The following CHD1L variants were observed in gnomAD, a reference collection of about 807,000 sequenced individuals.
The protein encoded by CHD1L is chromodomain helicase DNA binding protein 1 like.
CHD1L carries 118 observed loss-of-function variants against 115.9 expected under a neutral mutation model. The observed-to-expected ratio is 1.02, with a 90% CI of 0.88 to 1.19. The LOEUF (loss-of-function observed/expected upper bound fraction) is 1.19. Among genes scored for constraint, CHD1L ranks in the 50% most tolerant of loss-of-function variants. The pLI is 0.00. For synonymous variants in CHD1L, 411 were observed against 387.1 expected, an observed-to-expected ratio of 1.06 and a Z score of -0.72; for missense variants, 1,179 against 1,065.3, an observed-to-expected ratio of 1.11 and a Z score of -1.49.
At position 147,242,684 on chromosome 1, in the gene CHD1L, G is replaced by T; in HGVS notation, c.-20G>T. On this transcript the variant is annotated 5_prime_UTR_variant, in exon 1 of 23. Transcript: ENST00000369258. ...GGAGGTGCGCGCTTGGCCGCGCGGG[G>T]CGGGGCCTCTACCGGCCCGATGGAG... is the stretch of plus-strand genomic sequence containing the variant. The T allele has an allele frequency of 7.9e-7, 1 of 1,265,110 alleles. No homozygotes were observed. The highest frequency in any genetic ancestry group is 3.7e-5 in the South Asian group (1 of 27,032). The allele number at this position is 1,265,110 out of a possible 1,614,324, so 78.4% of individuals were successfully genotyped here. A position where few individuals can be genotyped will look rare whatever the true frequency, so the allele number is the denominator to read the frequency against.
the CHD1L span, among the ~76,000 whole-genome samples, chr1:147,209,403 A>C: frequency 1.9e-3 from 257 of 133,880 alleles, 3 homozygotes; most frequent in Admixed American, 0.019. Context: ...GCACCACTGC[A>C]CTCCAGCCTG....
At chr1:147,204,790 C>T in the CHD1L span, 2 of 1,588,166 alleles carry the variant, frequency 1.3e-6, no homozygotes, top group Non-Finnish European at 1.7e-6. Flanking sequence ...TCCATTTCGT[C>T]CATATGCTGT....
rs373045212 is a variant in CHD1L at position 147,286,504 on chromosome 1, C to T, written c.2221+4C>T. ...GCTCTCATTGTGCACTGCGTAGGTA[C>T]GAGAAGTGGTATGGGCTGGGGATGG... is the stretch of plus-strand genomic sequence containing the variant. On this transcript the variant is annotated splice_donor_region_variant and intron_variant, in intron 18 of 22. Coordinates refer to ENST00000369258, the MANE Select transcript of CHD1L (RefSeq NM_004284.6). 4.8e-5 allele frequency: 77 copies of T among 1,612,802 alleles called. No individual in the cohort carries two copies. In the East Asian group the frequency reaches 7.1e-4, roughly 15 times the overall value.
At chr1:147,255,367 A>G (rs1490794503) in intron 3 of CHD1L, among the ~76,000 whole-genome samples, 1 of 152,114 alleles carries the variant, frequency 6.6e-6, no homozygotes, top group African/African-American at 2.4e-5. Context: ...AGCTGAGATT[A>G]CAGGCGTGCG....
chr1:147,188,322 G>A, the CHD1L span, among the ~76,000 whole-genome samples: 2 of 151,874 alleles, frequency 1.3e-5, no homozygotes, highest in Non-Finnish European at 2.9e-5. Context: ...TCAGGAGTTC[G>A]AGATCAGCCT....
At chr1:147,236,074 C>T in the CHD1L span, among the ~76,000 whole-genome samples, 1 of 152,170 alleles carries the variant, frequency 6.6e-6, no homozygotes, top group Non-Finnish European at 1.5e-5. Flanking sequence ...GCCAGGCATG[C>T]CAGCTGTGGC....
chr1:147,262,818 G>C (rs1336595504), intron 6 of CHD1L, among the ~76,000 whole-genome samples: 3 of 149,306 alleles, frequency 2.0e-5, no homozygotes, highest in Non-Finnish European at 3.0e-5. Context: ...TCTTCCTATG[G>C]CCCCCCCTCC....
At position 147,294,280 on chromosome 1, in the gene CHD1L, G is replaced by A. The variant is rs587755044; in HGVS notation, c.2507-129G>A. Reference sequence around the variant, plus strand: ...TTTTTCTTACTACAATTCTTCCCCCGGAATATTTTTGACATTATAATTATG... The same window carrying A: ...TTTTTCTTACTACAATTCTTCCCCCAGAATATTTTTGACATTATAATTATG... On this transcript the variant is annotated intron_variant, in intron 21 of 22. Coordinates refer to ENST00000369258, the MANE Select transcript of CHD1L (RefSeq NM_004284.6). 6.9e-5 allele frequency: 36 copies of A among 522,804 alleles called. 1 individual carries two copies. The highest frequency in any genetic ancestry group is 5.7e-4 in the African/African-American group (29 of 50,730). The allele number at this position is 522,804 out of a possible 1,614,324, so 32.4% of individuals were successfully genotyped here.
At chr1:147,194,387 G>T in the CHD1L span, among the ~76,000 whole-genome samples, 3 of 151,738 alleles carry the variant, frequency 2.0e-5, no homozygotes, top group South Asian at 6.2e-4. Flanking sequence ...CCTTTATTTT[G>T]AGCCTATGTG....
At chr1:147,219,442 A>G in the CHD1L span, among the ~76,000 whole-genome samples, 21,718 of 152,012 alleles carry the variant, frequency 0.14, 1,523 homozygotes, top group South Asian at 0.18. Context: ...CCCATTCATG[A>G]TGAAAACTCT....
intron 14 of CHD1L, among the ~76,000 whole-genome samples, chr1:147,279,251 G>A (rs1381767212): frequency 6.6e-6 from 1 of 152,102 alleles, no homozygotes; most frequent in Non-Finnish European, 1.5e-5. Flanking sequence ...TGAGAACAAG[G>A]GCCCAAGGTT....
In CHD1L at chr1:147,284,403, G is replaced by A. The variant is rs1553963923; in HGVS notation, c.1758G>A (p.Lys586=). 4 of 1,608,824 alleles carry A rather than the reference G, an allele frequency of 2.5e-6. No individual in the cohort carries two copies. The highest frequency in any genetic ancestry group is 1.1e-5 in the South Asian group (1 of 90,226). ...EGKDYSKEPS[K]EDRKSFEQLV... The stretch of plus-strand genomic sequence containing the variant: ...AAGATTATTCTAAAGAGCCCAGTAA[G>A]GAAGACAGAAAATCATTTGAACAAC... Residue 586 remains lysine, a synonymous_variant, in exon 16 of 23, where the codon AAG becomes AAA. Coordinates refer to ENST00000369258, the MANE Select transcript of CHD1L (RefSeq NM_004284.6).
In CHD1L at chr1:147,285,401, G is replaced by A. The variant is rs782301408; in HGVS notation, c.1932G>A (p.Gln644=). The change falls in exon 17 of 23, where the codon CAG becomes CAA. Residue 644 remains glutamine, a synonymous_variant. Coordinates refer to ENST00000369258, the MANE Select transcript of CHD1L (RefSeq NM_004284.6). The stretch of plus-strand genomic sequence containing the variant: ...GTCCAGAAGAGCTGGAGGACAGACA[G>A]AAGAAAAGACAAGAAGCAGCTGCCA... The part of the protein sequence containing the change: ...VLSPEELEDR[Q]KKRQEAAAKR... 1.1e-5 allele frequency: 18 copies of A among 1,613,966 alleles called. No homozygotes were observed. The African/African-American group carries it at 2.1e-4, about 19-fold the overall frequency.
chr1:147,276,181 A>G lies in CHD1L; in HGVS notation c.1463A>G (p.Gln488Arg), dbSNP rs782271333. 6.2e-7 allele frequency: 1 copy of G among 1,614,218 alleles called. No homozygotes were observed. Among genetic ancestry groups the G allele is most frequent in the South Asian group, 1.1e-5 (1 of 91,084 alleles). Residue 488 changes from glutamine (Q) to arginine (R), a missense_variant, in exon 14 of 23, where the codon CAG becomes CGG. Coordinates refer to ENST00000369258, the MANE Select transcript of CHD1L (RefSeq NM_004284.6). ...IVYRKAASKL[Q>R]LTNMIIEGGH... is the part of the protein sequence containing the mutation. ...TATAGGAAAGCAGCCTCCAAACTGCAGCTCACCAACATGATCATAGAAGGA... is the reference window on the plus strand; with the variant it reads ...TATAGGAAAGCAGCCTCCAAACTGCGGCTCACCAACATGATCATAGAAGGA...
chr1:147,246,070 T>G (rs1391611209), intron 1 of CHD1L, among the ~76,000 whole-genome samples: 1 of 152,194 alleles, frequency 6.6e-6, no homozygotes, highest in Non-Finnish European at 1.5e-5. Flanking sequence ...ACCAATTCCT[T>G]AACCCCTGGC....
chr1:147,278,410 A>G (rs1220827164), intron 14 of CHD1L, among the ~76,000 whole-genome samples: 6 of 151,432 alleles, frequency 4.0e-5, no homozygotes, highest in African/African-American at 1.5e-4. Flanking sequence ...TTTTTAGTAG[A>G]GACGGGGTTT....
intron 14 of CHD1L, among the ~76,000 whole-genome samples, chr1:147,277,232 GGAAA>G (rs1261988140): frequency 1.3e-5 from 2 of 152,094 alleles, no homozygotes; most frequent in Non-Finnish European, 2.9e-5. Flanking sequence ...TCAGACAAAA[GGAAA>G]GAATTTTATT....
At chr1:147,237,348 G>A in the CHD1L span, among the ~76,000 whole-genome samples, 45 of 152,134 alleles carry the variant, frequency 3.0e-4, no homozygotes, top group East Asian at 6.6e-3. Flanking sequence ...AGGAGGGTGG[G>A]GCTCCTGCCT....
chr1:147,267,857 G>A (rs1052648656), intron 9 of CHD1L, among the ~76,000 whole-genome samples: 1 of 152,098 alleles, frequency 6.6e-6, no homozygotes, highest in Non-Finnish European at 1.5e-5. Context: ...GTCAAGACCA[G>A]TGGTTTTGTG....
Sources: allele counts gnomAD v4.1 joint callset (sites outside exome capture counted in the v4.1 genomes callset), GRCh38; gene constraint gnomAD v4.1.1; transcripts MANE v1.5; gene names NCBI Gene and HGNC (gene_info 2026-07-23, HGNC 2026-07-21).